Variants in SIGLEC14 observed in about 807,000 individuals in gnomAD.
SIGLEC14 encodes the protein sialic acid-binding Ig-like lectin 14.
In SIGLEC14, 11 loss-of-function variants were observed where a neutral mutation model predicts 34.2. The ratio of observed to expected loss-of-function variants is 0.32; its 90% CI spans 0.20 to 0.53. SIGLEC14 has a LOEUF of 0.53. Ranked by LOEUF, SIGLEC14 falls within the 20% of genes least tolerant of loss-of-function variation. SIGLEC14 has a pLI of 0.95. For synonymous variants in SIGLEC14, 99 were observed against 179.7 expected (o/e 0.55, Z 3.59); for missense variants, 264 against 439.0 (o/e 0.60, Z 3.56).
At position 51,643,931 on chromosome 19, in the gene SIGLEC14, A is replaced by G. The variant is rs1390180367; in HGVS notation, c.860T>C (p.Phe287Ser). Residue 287 changes from phenylalanine to serine, a missense_variant, in exon 5 of 7, where the codon TTC (phenylalanine) becomes TCC (serine). Phe to Ser is a radical substitution (Grantham distance 155). Transcript: ENST00000360844. ...AGGATTGAGGGCTTTTCCCTCCCGG[A>G]ACCAGCTCAGTGAGGCAGGGGGGTT... ...DSNPPASLSWFREGKALNPSQ... is the reference protein window; with the variant it reads ...DSNPPASLSWSREGKALNPSQ... 1 of 1,534,186 alleles carries G rather than the reference A, an allele frequency of 6.5e-7. No individual in the cohort carries two copies. Among genetic ancestry groups the G allele is most frequent in the South Asian group, 1.2e-5 (1 of 83,282 alleles).
rs1405865440 is a variant in SIGLEC14, at chr19:51,640,025, C to T, written c.*3330G>A. On this transcript the variant is annotated 3_prime_UTR_variant, in exon 7 of 7. Coordinates refer to ENST00000360844, the MANE Select transcript of SIGLEC14 (RefSeq NM_001098612.3). ...AATTGTCATGAGAAACTCACCCGCC[C>T]TCCAAAGTGGAATGACATCTCCAAA... The T allele has an allele frequency of 1.4e-5, 2 of 139,222 alleles. 1 individual carries two copies. The highest frequency in any genetic ancestry group is 5.5e-5 in the African/African-American group (2 of 36,694). The allele number at this position is 139,222 out of a possible 1,614,324, so 8.6% of individuals were successfully genotyped here.
rs1035190885 is a variant in SIGLEC14, at chr19:51,645,475, ACCTGTG to A, written c.750_754+1del. 1 of 1,529,508 alleles carries A rather than the reference ACCTGTG, an allele frequency of 6.5e-7. No individual in the cohort carries two copies. The highest frequency in any genetic ancestry group is 1.5e-5 in the African/African-American group (1 of 66,700). 94.7% of individuals were successfully genotyped at this position (1,529,508 alleles called of 1,614,324 possible). On this transcript the variant is annotated splice_donor_variant and coding_sequence_variant, in exon 4 of 7. Coordinates refer to ENST00000360844, the MANE Select transcript of SIGLEC14 (RefSeq NM_001098612.3). LOFTEE classifies it high-confidence loss of function. ...CCCCAGAGGGAAGAGGGTCTTTCCT[ACCTGTG>A]CCTGTGCCATTTCTGAAGAAGATGC...
rs55916485 is a variant in SIGLEC14, at chr19:51,643,023, CAAAAAAAAAA to C, written c.*322_*331del. 9.4e-5 allele frequency: 9 copies of C among 95,988 alleles called. No homozygotes were observed. The highest frequency in any genetic ancestry group is 2.2e-4 in the South Asian group (3 of 13,890). The allele number at this position is 95,988 out of a possible 1,614,324, so 5.9% of individuals were successfully genotyped here. A position where few individuals can be genotyped will look rare whatever the true frequency, so the allele number is the denominator to read the frequency against. ...TGTGCAACAGAGTGAGACTCTGTCTCAAAAAAAAAAAAAAAAAAAAAAGGTAACTTTTGGG... is the reference window on the plus strand; with the variant it reads ...TGTGCAACAGAGTGAGACTCTGTCTCAAAAAAAAAAAAGGTAACTTTTGGG... On this transcript the variant is annotated 3_prime_UTR_variant, in exon 7 of 7. Transcript: ENST00000360844.
At chr19:51,645,418 A>G in intron 4 of SIGLEC14, 59 bp downstream of exon 4, 1 of 1,431,090 alleles carries the variant, frequency 7.0e-7, no homozygotes, top group South Asian at 1.3e-5. Flanking sequence ...CCCAATGCTG[A>G]ACCCTGAGCT....
Position 51,640,906 on chromosome 19 carries a change from C to T in SIGLEC14, c.*2449G>A, listed in dbSNP as rs11883097. On this transcript the variant is annotated 3_prime_UTR_variant, in exon 7 of 7. Transcript: ENST00000360844. ...AGGAGAATCACTTGTACCTGGGAGGCGGAGGTTGCAGTGAGCCAAGATCGC... is the reference window on the plus strand; with the variant it reads ...AGGAGAATCACTTGTACCTGGGAGGTGGAGGTTGCAGTGAGCCAAGATCGC... Among the ~76,000 whole-genome samples the T allele has an allele frequency of 0.13, 17,484 of 138,074 alleles. 3,665 individuals are homozygous for T. Among genetic ancestry groups the T allele is most frequent in the African/African-American group, 0.23 (8,387 of 36,148 alleles). 90.6% of individuals were successfully genotyped at this position (138,074 alleles called of 152,430 possible). A position where few individuals can be genotyped will look rare whatever the true frequency, so the allele number is the denominator to read the frequency against.
chr19:51,641,911 A>C lies in SIGLEC14; in HGVS notation c.*1444T>G, dbSNP rs1983913762. 7.5e-6 allele frequency among the ~76,000 whole-genome samples: 1 copy of C among 132,780 alleles called. No individual in the cohort carries two copies. The highest frequency in any genetic ancestry group is 1.6e-5 in the Non-Finnish European group (1 of 64,082). The allele number at this position is 132,780 out of a possible 152,430, so 87.1% of individuals were successfully genotyped here. A position where few individuals can be genotyped will look rare whatever the true frequency, so the allele number is the denominator to read the frequency against. On this transcript the variant is annotated 3_prime_UTR_variant, in exon 7 of 7. Transcript: ENST00000360844. ...CCCATGACACTTTACCTATGTAACAAACCTGCACTTGTGCCCCCTGAACTT... is the reference window on the plus strand; with the variant it reads ...CCCATGACACTTTACCTATGTAACACACCTGCACTTGTGCCCCCTGAACTT...
rs1568599927 is a variant in SIGLEC14 at position 51,646,592 on chromosome 19, A to G, written c.86T>C (p.Val29Ala). ...GACGCACAGGCCCTCCTGCACCGTC[A>G]CCGACTTCTGCACTTGCAGCTCGTA... ...PVYELQVQKS[V>A]TVQEGLCVLV... Residue 29 changes from valine to alanine, a missense_variant, in exon 2 of 7, where the codon GTG becomes GCG. Val to Ala is a moderately conservative substitution (Grantham distance 64). Around this residue, in one of 5 missense-constraint regions of SIGLEC14, gnomAD observed 30 missense variants for 29.7 expected, o/e 1.01. Transcript: ENST00000360844. 2 of 517,928 alleles carry G rather than the reference A, an allele frequency of 3.9e-6. No homozygotes were observed. Among genetic ancestry groups the G allele is most frequent in the African/African-American group, 4.9e-5 (1 of 20,554 alleles). 32.1% of individuals were successfully genotyped at this position (517,928 alleles called of 1,614,324 possible). A position where few individuals can be genotyped will look rare whatever the true frequency, so the allele number is the denominator to read the frequency against.
chr19:51,643,611 G>A lies in SIGLEC14; in HGVS notation c.1074C>T (p.Leu358=). The change falls in exon 6 of 7, where the codon CTC becomes CTT. Residue 358 remains leucine (L), a synonymous_variant. Coordinates refer to ENST00000360844, the MANE Select transcript of SIGLEC14 (RefSeq NM_001098612.3). ...CCATGAGAGCCCCCCTGATCAGGGTGAGGACGAGGGGCCAGGAGCCCTGCT... is the reference window on the plus strand; with the variant it reads ...CCATGAGAGCCCCCCTGATCAGGGTAAGGACGAGGGGCCAGGAGCCCTGCT... ...EKQQGSWPLV[L]TLIRGALMGA... 1 of 1,530,766 alleles carries A rather than the reference G, an allele frequency of 6.5e-7. No homozygotes were observed. Among genetic ancestry groups the A allele is most frequent in the Non-Finnish European group, 8.8e-7 (1 of 1,140,592 alleles). The allele number at this position is 1,530,766 out of a possible 1,614,324, so 94.8% of individuals were successfully genotyped here. A position where few individuals can be genotyped will look rare whatever the true frequency, so the allele number is the denominator to read the frequency against.
chr19:51,644,029 C>T lies in SIGLEC14; in HGVS notation c.762G>A (p.Arg254=). 6.6e-7 allele frequency: 1 copy of T among 1,508,734 alleles called. No homozygotes were observed. The highest frequency in any genetic ancestry group is 1.5e-5 in the African/African-American group (1 of 67,114). 93.5% of individuals were successfully genotyped at this position (1,508,734 alleles called of 1,614,324 possible). A position where few individuals can be genotyped will look rare whatever the true frequency, so the allele number is the denominator to read the frequency against. ...FFRNGTGTAL[R]ILSNGMSVPI... is the part of the protein sequence containing the mutation. Reference sequence around the variant, plus strand: ...GCACCGACATGCCATTGCTCAGGATCCGCAGGGCTGGGAAAGAGAAGCACA... The same window carrying T: ...GCACCGACATGCCATTGCTCAGGATTCGCAGGGCTGGGAAAGAGAAGCACA... The change falls in exon 5 of 7, where the codon CGG becomes CGA. Residue 254 remains arginine (R), a synonymous_variant. Coordinates refer to ENST00000360844, the MANE Select transcript of SIGLEC14 (RefSeq NM_001098612.3).
At position 51,642,194 on chromosome 19, in the gene SIGLEC14, C is replaced by T. The variant is rs368810720; in HGVS notation, c.*1161G>A. ...AGTGATTAAAGGGAAAATGCAGAAC[C>T]AGTGGATACAGAAGGCTGACTGTAC... On this transcript the variant is annotated 3_prime_UTR_variant, in exon 7 of 7. Coordinates refer to ENST00000360844, the MANE Select transcript of SIGLEC14 (RefSeq NM_001098612.3). Among the ~76,000 whole-genome samples, 3 of 138,330 alleles carry T rather than the reference C, an allele frequency of 2.2e-5. 1 individual carries two copies. Among genetic ancestry groups the T allele is most frequent in the East Asian group, 6.7e-4 (2 of 2,994 alleles). 90.7% of individuals were successfully genotyped at this position (138,330 alleles called of 152,430 possible). A position where few individuals can be genotyped will look rare whatever the true frequency, so the allele number is the denominator to read the frequency against.
rs1233568125 is a variant in SIGLEC14 at position 51,640,446 on chromosome 19, C to T, written c.*2909G>A. On this transcript the variant is annotated 3_prime_UTR_variant, in exon 7 of 7. Coordinates refer to ENST00000360844, the MANE Select transcript of SIGLEC14 (RefSeq NM_001098612.3). The stretch of plus-strand genomic sequence containing the variant: ...CCCAGGGCAACTAGGAACACTGAAA[C>T]AACAGGTAACAATTCTGGAAAGGGA... Among the ~76,000 whole-genome samples, 1 of 138,726 alleles carries T rather than the reference C, an allele frequency of 7.2e-6. No homozygotes were observed. The highest frequency in any genetic ancestry group is 1.5e-5 in the Non-Finnish European group (1 of 64,846). The allele number at this position is 138,726 out of a possible 152,430, so 91.0% of individuals were successfully genotyped here. A position where few individuals can be genotyped will look rare whatever the true frequency, so the allele number is the denominator to read the frequency against.
intron 4 of SIGLEC14, among the ~76,000 whole-genome samples, chr19:51,644,372 T>C (rs1422446808): frequency 7.3e-6 from 1 of 136,204 alleles, no homozygotes; most frequent in African/African-American, 2.8e-5. Flanking sequence ...CAAGACACGA[T>C]AATGGAGGTA....
Position 51,645,506 on chromosome 19 carries a change from C to T in SIGLEC14, c.725G>A (p.Ser242Asn), listed in dbSNP as rs1402602599. The T allele has an allele frequency of 5.9e-6, 9 of 1,532,300 alleles. 1 individual carries two copies. In the African/African-American group the frequency reaches 1.2e-4, roughly 20 times the overall value. The allele number at this position is 1,532,300 out of a possible 1,614,324, so 94.9% of individuals were successfully genotyped here. A position where few individuals can be genotyped will look rare whatever the true frequency, so the allele number is the denominator to read the frequency against. The change falls in exon 4 of 7, where the codon AGC (serine) becomes AAC (asparagine). Residue 242 changes from serine (S) to asparagine (N), a missense_variant. This residue lies in a region of SIGLEC14 where 45 missense variants were observed against 96.7 expected (regional missense o/e 0.47). Coordinates refer to ENST00000360844, the MANE Select transcript of SIGLEC14 (RefSeq NM_001098612.3). ...VSYAPQNLAI[S>N]IFFRNGTGTA... ...GCCTGTGCCATTTCTGAAGAAGATG[C>T]TGATGGCGAGGTTCTGTGGAGCATC... is the stretch of plus-strand genomic sequence containing the variant.
Position 51,642,737 on chromosome 19 carries a change from T to G in SIGLEC14, c.*618A>C, listed in dbSNP as rs2122122512. ...ATTCAAGTGTTAAGAAGGTAACTTT[T>G]GGCAGCCAGGCACGGTGGCTCATAC... On this transcript the variant is annotated 3_prime_UTR_variant, in exon 7 of 7. Coordinates refer to ENST00000360844, the MANE Select transcript of SIGLEC14 (RefSeq NM_001098612.3). 2 of 138,610 alleles carry G rather than the reference T, an allele frequency of 1.4e-5. 1 individual carries two copies. Among genetic ancestry groups the G allele is most frequent in the African/African-American group, 5.6e-5 (2 of 35,980 alleles). 8.6% of individuals were successfully genotyped at this position (138,610 alleles called of 1,614,324 possible).
In SIGLEC14 at chr19:51,643,777, ACT is replaced by A. The variant is rs762749507; in HGVS notation, c.1012_1012+1del. ...ACCCTCAGCACCTGTCCTGCAACTC[ACT>A]CTGCACAGAAAGGATGAAGGACAGG... On this transcript the variant is annotated splice_donor_variant and coding_sequence_variant, in exon 5 of 7. Coordinates refer to ENST00000360844, the MANE Select transcript of SIGLEC14 (RefSeq NM_001098612.3). LOFTEE classifies it high-confidence loss of function. 37 of 1,515,076 alleles carry A rather than the reference ACT, an allele frequency of 2.4e-5. 9 individuals are homozygous for A. The South Asian group carries it at 4.5e-4, about 18-fold the overall frequency. 93.9% of individuals were successfully genotyped at this position (1,515,076 alleles called of 1,614,324 possible).
intron 6 of SIGLEC14, 54 bp downstream of exon 6, chr19:51,643,483 G>GGGGGGGGGGGGGCCCCCCCCCCCCC: frequency 2.3e-6 from 3 of 1,297,858 alleles, no homozygotes; most frequent in East Asian, 5.4e-5. Context: ...GGGCAGGACA[G>GGGGGGGGGGGGGCCCCCCCCCCCCC]CTCAGCCCCA....
Position 51,641,878 on chromosome 19 carries a change from A to C in SIGLEC14, c.*1477T>G, listed in dbSNP as rs1428399660. On this transcript the variant is annotated 3_prime_UTR_variant, in exon 7 of 7. Transcript: ENST00000360844. ...ATCTGGGTGATGCAATAATCTGTAC[A>C]ACAAACTCCCATGACACTTTACCTA... Among the ~76,000 whole-genome samples, 1 of 138,958 alleles carries C rather than the reference A, an allele frequency of 7.2e-6. No homozygotes were observed. Among genetic ancestry groups the C allele is most frequent in the Non-Finnish European group, 1.5e-5 (1 of 64,940 alleles). 91.2% of individuals were successfully genotyped at this position (138,958 alleles called of 152,430 possible).
rs761289824 is a variant in SIGLEC14 at position 51,645,459 on chromosome 19, G to A, written c.754+18C>T. 56 of 1,523,992 alleles carry A rather than the reference G, an allele frequency of 3.7e-5. 10 individuals are homozygous for A. The East Asian group carries it at 6.3e-4, about 17-fold the overall frequency. The allele number at this position is 1,523,992 out of a possible 1,614,324, so 94.4% of individuals were successfully genotyped here. A position where few individuals can be genotyped will look rare whatever the true frequency, so the allele number is the denominator to read the frequency against. On this transcript the variant is annotated intron_variant, in intron 4 of 6. Transcript: ENST00000360844. ...AAGGCTCCCATCACAGCCCCAGAGG[G>A]AAGAGGGTCTTTCCTACCTGTGCCT...
At position 51,644,644 on chromosome 19, in the gene SIGLEC14, T is replaced by A. The variant is rs1253886784; in HGVS notation, c.755-608A>T. 2.2e-5 allele frequency among the ~76,000 whole-genome samples: 3 copies of A among 135,860 alleles called. 1 individual carries two copies. Among genetic ancestry groups the A allele is most frequent in the Non-Finnish European group, 4.7e-5 (3 of 64,070 alleles). The allele number at this position is 135,860 out of a possible 152,430, so 89.1% of individuals were successfully genotyped here. A position where few individuals can be genotyped will look rare whatever the true frequency, so the allele number is the denominator to read the frequency against. On this transcript the variant is annotated intron_variant, in intron 4 of 6. Transcript: ENST00000360844. ...ACCAAGGGGATGAGGAGGGAAGTGATGATTGGTGAAGTAAAGGTGTTAAGA... is the reference window on the plus strand; with the variant it reads ...ACCAAGGGGATGAGGAGGGAAGTGAAGATTGGTGAAGTAAAGGTGTTAAGA...
Sources: allele counts gnomAD v4.1 joint callset (sites outside exome capture counted in the v4.1 genomes callset), GRCh38; gene constraint gnomAD v4.1.1; regional missense constraint gnomAD v4.1.1; transcripts MANE v1.5; gene names NCBI Gene and HGNC (gene_info 2026-07-23, HGNC 2026-07-21).